Variants in RGL1 observed in about 807,000 individuals in gnomAD.
RGL1 encodes ral guanine nucleotide dissociation stimulator like 1.
A neutral mutation model predicts 95.2 loss-of-function variants in RGL1; 24 were observed. The ratio of observed to expected loss-of-function variants is 0.25; its 90% CI spans 0.18 to 0.35. The LOEUF is 0.35. Among genes scored for constraint, RGL1 ranks in the 10% least tolerant of loss-of-function variants. RGL1 has a pLI of 1.00. For missense variants in RGL1, 715 were observed against 936.3 expected, an observed-to-expected ratio of 0.76 and a Z score of 3.08; for synonymous variants, 329 against 344.9, an observed-to-expected ratio of 0.95 and a Z score of 0.51.
intron 1 of RGL1, among the ~76,000 whole-genome samples, chr1:183,733,664 C>A (rs561874447): frequency 6.6e-6 from 1 of 152,276 alleles, no homozygotes; most frequent in South Asian, 2.1e-4. Context: ...AGAGAAGGAA[C>A]AACATAGTTA....
chr1:183,873,087 A>G (rs1666276755), intron 4 of RGL1, among the ~76,000 whole-genome samples: 1 of 152,236 alleles, frequency 6.6e-6, no homozygotes, highest in Non-Finnish European at 1.5e-5. Flanking sequence ...ATGGGTAGAA[A>G]GCCCTGAGCA....
chr1:183,751,746 C>T (rs1658014659), intron 2 of RGL1, among the ~76,000 whole-genome samples: 3 of 152,184 alleles, frequency 2.0e-5, no homozygotes, highest in Non-Finnish European at 4.4e-5. Context: ...AGTATCTGGG[C>T]CAGAGAGCAC....
intron 2 of RGL1, among the ~76,000 whole-genome samples, chr1:183,846,540 T>TA (rs1664449423): frequency 3.3e-5 from 5 of 149,904 alleles, no homozygotes; most frequent in African/African-American, 7.4e-5. Flanking sequence ...AGTATAATTT[T>TA]TAAAAAAAAA....
At chr1:183,898,012 G>C in intron 10 of RGL1, 115 bp downstream of exon 10, 1 of 788,686 alleles carries the variant, frequency 1.3e-6, no homozygotes, top group Non-Finnish European at 2.1e-6. Flanking sequence ...CTTTCAGAAA[G>C]GGTCTCCCAT....
At chr1:183,782,223 G>A (rs555722163) in intron 2 of RGL1, among the ~76,000 whole-genome samples, 1 of 152,302 alleles carries the variant, frequency 6.6e-6, no homozygotes, top group African/African-American at 2.4e-5. Flanking sequence ...ACATAGCCCA[G>A]GAAACAGGAC....
chr1:183,865,381 G>T (rs12145005), intron 3 of RGL1, among the ~76,000 whole-genome samples: 20,249 of 152,228 alleles, frequency 0.13, 1,733 homozygotes, highest in Middle Eastern at 0.26. Context: ...CCTGGCCTCA[G>T]TATAGCTACA....
intron 2 of RGL1, among the ~76,000 whole-genome samples, chr1:183,743,772 A>T (rs371222370): frequency 8.5e-6 from 1 of 117,006 alleles, no homozygotes; most frequent in African/African-American, 2.7e-5. Context: ...GGATGGAATC[A>T]TAACAAGTGG....
At chr1:183,711,945 T>C (rs1377507129) in intron 1 of RGL1, among the ~76,000 whole-genome samples, 7 of 152,216 alleles carry the variant, frequency 4.6e-5, no homozygotes, top group African/African-American at 1.4e-4. Flanking sequence ...AGTAAGCCTC[T>C]CAGTTTTCCC....
At chr1:183,837,945 G>T (rs772691785) in intron 2 of RGL1, among the ~76,000 whole-genome samples, 1 of 152,154 alleles carries the variant, frequency 6.6e-6, no homozygotes, top group African/African-American at 2.4e-5. Context: ...ACAGGAGGTG[G>T]AGCTCAGGCA....
chr1:183,756,816 T>C (rs545209986), intron 2 of RGL1, among the ~76,000 whole-genome samples: 19 of 152,284 alleles, frequency 1.2e-4, no homozygotes, highest in Admixed American at 1.2e-3. Flanking sequence ...TTAATTCTAC[T>C]TCACTTATGA....
At chr1:183,760,585 A>C (rs906199773) in intron 2 of RGL1, among the ~76,000 whole-genome samples, 2 of 149,390 alleles carry the variant, frequency 1.3e-5, no homozygotes, top group African/African-American at 2.5e-5. Context: ...AAAAAAAAAA[A>C]AAAAAAAACA....
intron 2 of RGL1, among the ~76,000 whole-genome samples, chr1:183,743,220 C>T (rs555616371): frequency 6.6e-6 from 1 of 152,178 alleles, no homozygotes; most frequent in East Asian, 1.9e-4. Flanking sequence ...CGCTATGTTG[C>T]CCAGGCTGGT....
At chr1:183,711,039 CCTT>C (rs1403143107) in intron 1 of RGL1, among the ~76,000 whole-genome samples, 15 of 152,138 alleles carry the variant, frequency 9.9e-5, no homozygotes, top group Non-Finnish European at 2.2e-4. Flanking sequence ...TCTGCTTTAC[CCTT>C]CTTTGAATTT....
At chr1:183,741,474 C>A (rs1461895621) in intron 1 of RGL1, among the ~76,000 whole-genome samples, 3 of 152,134 alleles carry the variant, frequency 2.0e-5, no homozygotes, top group Non-Finnish European at 4.4e-5. Context: ...AACCAAGGCC[C>A]AAGAAAGTGC....
intron 7 of RGL1, among the ~76,000 whole-genome samples, chr1:183,886,278 A>T (rs945554644): frequency 1.4e-4 from 21 of 152,324 alleles, no homozygotes; most frequent in African/African-American, 4.8e-4. Context: ...TAAGTTGCAT[A>T]AACAACTTCT....
At chr1:183,850,455 G>T (rs1442642358) in intron 3 of RGL1, among the ~76,000 whole-genome samples, 1 of 151,982 alleles carries the variant, frequency 6.6e-6, no homozygotes, top group Non-Finnish European at 1.5e-5. Flanking sequence ...GACAATAGTG[G>T]GTTTTCTCTC....
chr1:183,687,416 C>T (rs758586417), intron 1 of RGL1, among the ~76,000 whole-genome samples: 20 of 152,170 alleles, frequency 1.3e-4, no homozygotes, highest in South Asian at 6.2e-4. Context: ...GTTTTCTCAG[C>T]GCTGTTTTGT....
chr1:183,693,706 C>T (rs886450496), intron 1 of RGL1, among the ~76,000 whole-genome samples: 1 of 151,962 alleles, frequency 6.6e-6, no homozygotes, highest in African/African-American at 2.4e-5. Flanking sequence ...AAAAGTGAAG[C>T]CTCACTGCTT....
chr1:183,880,075 A>G (rs767051051), intron 4 of RGL1, among the ~76,000 whole-genome samples: 2 of 152,250 alleles, frequency 1.3e-5, no homozygotes, highest in Non-Finnish European at 2.9e-5. Flanking sequence ...AAACAAAAGG[A>G]TAATTTTATG....
Sources: gnomAD v4.1 joint callset for allele counts (sites outside exome capture counted in the v4.1 genomes callset) on GRCh38, gnomAD v4.1.1 for gene constraint, MANE v1.5 for transcripts, NCBI Gene and HGNC (gene_info 2026-07-23, HGNC 2026-07-21) for gene names.